Variants in RIT2 observed in about 807,000 individuals in gnomAD.
The protein encoded by RIT2 is Ras like without CAAX 2.
RIT2 carries 24 observed loss-of-function variants against 23.7 expected under a neutral mutation model. The observed-to-expected ratio is 1.01, with a 90% CI of 0.73 to 1.43. RIT2 has a LOEUF of 1.43. RIT2 is among the 40% of genes most tolerant of loss of function. The probability of loss-of-function intolerance (pLI) is 0.00; values close to 1 mark genes in which losing one functional copy is unlikely to be tolerated. For missense variants in RIT2, 236 were observed against 266.9 expected (o/e 0.88, Z 0.81); for synonymous variants, 107 against 91.1 (o/e 1.17, Z -0.99).
At chr18:42,867,285 C>T (rs1366408924) in intron 4 of RIT2, among the ~76,000 whole-genome samples, 1 of 152,074 alleles carries the variant, frequency 6.6e-6, no homozygotes, top group East Asian at 1.9e-4. Flanking sequence ...GAGCAAAACT[C>T]AGTTTGCTGG....
At chr18:42,923,374 C>T (rs896111567) in intron 4 of RIT2, 198 bp downstream of exon 4, 26 of 590,508 alleles carry the variant, frequency 4.4e-5, no homozygotes, top group Non-Finnish European at 7.2e-5. Flanking sequence ...TAAGGGCACT[C>T]TGCAAAATAG....
At chr18:42,922,498 C>G (rs894113511) in intron 4 of RIT2, among the ~76,000 whole-genome samples, 1 of 152,050 alleles carries the variant, frequency 6.6e-6, no homozygotes, top group African/African-American at 2.4e-5. Context: ...ATTAGATTTA[C>G]AAAAATTTGA....
At chr18:43,078,156 A>G (rs1444220576) in intron 1 of RIT2, among the ~76,000 whole-genome samples, 1 of 152,210 alleles carries the variant, frequency 6.6e-6, no homozygotes, top group Non-Finnish European at 1.5e-5. Flanking sequence ...GTGAGTAATG[A>G]CATTGTCAGT....
intron 2 of RIT2, among the ~76,000 whole-genome samples, chr18:43,019,195 GA>G (rs989981485): frequency 1.3e-5 from 2 of 151,364 alleles, no homozygotes; most frequent in Non-Finnish European, 3.0e-5. Flanking sequence ...TAAAGGGATA[GA>G]AAAAAATACC....
intron 2 of RIT2, among the ~76,000 whole-genome samples, chr18:43,016,683 C>T (rs1276759623): frequency 6.6e-6 from 1 of 151,738 alleles, no homozygotes; most frequent in East Asian, 1.9e-4. Context: ...CATTATGGGA[C>T]TATCTTTAAT....
intron 4 of RIT2, among the ~76,000 whole-genome samples, chr18:42,843,156 C>T (rs1013226388): frequency 7.9e-5 from 12 of 152,164 alleles, no homozygotes; most frequent in African/African-American, 2.9e-4. Context: ...AAACACTCAC[C>T]TCACATAGAA....
intron 1 of RIT2, among the ~76,000 whole-genome samples, chr18:43,111,532 C>A (rs80033727): frequency 2.6e-5 from 4 of 152,004 alleles, no homozygotes; most frequent in Non-Finnish European, 4.4e-5. Context: ...ACACTGTATG[C>A]CTGTATCCAA....
At chr18:42,844,097 G>T (rs1029163157) in intron 4 of RIT2, among the ~76,000 whole-genome samples, 1 of 152,190 alleles carries the variant, frequency 6.6e-6, no homozygotes, top group African/African-American at 2.4e-5. Flanking sequence ...GTGAGAGGGA[G>T]AATGTGAGCA....
chr18:42,876,517 C>A (rs903139476), intron 4 of RIT2, among the ~76,000 whole-genome samples: 14 of 151,724 alleles, frequency 9.2e-5, no homozygotes, highest in African/African-American at 3.4e-4. Flanking sequence ...TCTCCTTGGT[C>A]TCTACCACTT....
intron 4 of RIT2, among the ~76,000 whole-genome samples, chr18:42,838,985 A>C (rs1043129738): frequency 2.0e-5 from 3 of 152,228 alleles, no homozygotes; most frequent in Non-Finnish European, 4.4e-5. Flanking sequence ...CGTTCAAGCC[A>C]GATGGGTCCT....
chr18:43,091,023 C>A (rs1913411028), intron 1 of RIT2, among the ~76,000 whole-genome samples: 1 of 151,784 alleles, frequency 6.6e-6, no homozygotes, highest in Non-Finnish European at 1.5e-5. Flanking sequence ...ACCTGCACAT[C>A]CCTGAACTTA....
chr18:42,849,729 C>T (rs1332322483), intron 4 of RIT2, among the ~76,000 whole-genome samples: 1 of 152,042 alleles, frequency 6.6e-6, no homozygotes, highest in Non-Finnish European at 1.5e-5. Context: ...TCTTCATCAC[C>T]TCATATAAAC....
rs1241388195 is a variant in RIT2 at position 42,763,457 on chromosome 18, G to A, written c.427-19737C>T. Among the ~76,000 whole-genome samples the A allele has an allele frequency of 2.6e-4, 10 of 39,122 alleles. No homozygotes were observed. The East Asian group carries it at 6.0e-3, about 24-fold the overall frequency. The allele number at this position is 39,122 out of a possible 152,430, so 25.7% of individuals were successfully genotyped here. On this transcript the variant is annotated intron_variant, in intron 4 of 4. Coordinates refer to ENST00000326695, the MANE Select transcript of RIT2 (RefSeq NM_002930.4). The stretch of plus-strand genomic sequence containing the variant: ...AGCCTGGGCAACAGAGCGAGACTCC[G>A]TCTCAAAAAAAAAAAAAAAGGTACA...
At chr18:42,823,696 G>A (rs532828720) in intron 4 of RIT2, among the ~76,000 whole-genome samples, 6 of 152,102 alleles carry the variant, frequency 3.9e-5, no homozygotes, top group African/African-American at 7.2e-5. Context: ...TTTATTATAC[G>A]TCTATTATGC....
At chr18:42,831,499 T>C (rs1374729780) in intron 4 of RIT2, among the ~76,000 whole-genome samples, 1 of 152,156 alleles carries the variant, frequency 6.6e-6, no homozygotes, top group Non-Finnish European at 1.5e-5. Flanking sequence ...ACATTTGCCT[T>C]GGTAGTGTGG....
intron 3 of RIT2, chr18:42,949,086 C>T (rs1909790222): frequency 2.5e-6 from 1 of 397,362 alleles, no homozygotes; most frequent in East Asian, 3.6e-5. Context: ...TGCAGCAATA[C>T]TTAGAACTTG....
chr18:43,108,102 G>A (rs1481386554), intron 1 of RIT2, among the ~76,000 whole-genome samples: 2 of 151,466 alleles, frequency 1.3e-5, no homozygotes, highest in Non-Finnish European at 2.9e-5. Flanking sequence ...GTGAACCCAG[G>A]AGGCAGAGCT....
At chr18:42,841,205 T>C (rs1340941976) in intron 4 of RIT2, among the ~76,000 whole-genome samples, 3 of 152,206 alleles carry the variant, frequency 2.0e-5, no homozygotes, top group African/African-American at 7.2e-5. Flanking sequence ...GGCATGATCA[T>C]TGTAATAGGT....
At chr18:42,980,296 T>C (rs865794574) in intron 2 of RIT2, among the ~76,000 whole-genome samples, 21 of 152,258 alleles carry the variant, frequency 1.4e-4, no homozygotes, top group Middle Eastern at 6.8e-3. Flanking sequence ...TCTCATGCTG[T>C]AATATTGAGA....
Sources: gnomAD v4.1 joint callset for allele counts (sites outside exome capture counted in the v4.1 genomes callset) on GRCh38, gnomAD v4.1.1 for gene constraint, MANE v1.5 for transcripts, NCBI Gene and HGNC (gene_info 2026-07-23, HGNC 2026-07-21) for gene names.